Variants in SI observed in about 807,000 individuals in gnomAD.
SI encodes sucrase-isomaltase, intestinal.
SI carries 235 observed loss-of-function variants against 253.3 expected under a neutral mutation model. The observed-to-expected ratio is 0.93, with a 90% CI of 0.83 to 1.03. The LOEUF is 1.03. Among genes scored for constraint, SI ranks in the 50% least tolerant of loss-of-function variants. SI has a pLI of 0.00. For missense variants in SI, 2,442 were observed against 2,211.1 expected, an observed-to-expected ratio of 1.10 and a Z score of -2.09; for synonymous variants, 819 against 712.0, an observed-to-expected ratio of 1.15 and a Z score of -2.39.
chr3:164,993,798 G>T (rs571702801), intron 41 of SI, among the ~76,000 whole-genome samples: 1 of 151,646 alleles, frequency 6.6e-6, no homozygotes, highest in African/African-American at 2.4e-5. Context: ...TAAGGATAAT[G>T]TTGAAACTGT....
chr3:165,033,245 A>G lies in SI; in HGVS notation c.2565+150T>C, dbSNP rs1008327133. ...TTATTTATAATTTAACAATTTAAAT[A>G]TAACAATTTAATTGAACAATTTATT... On this transcript the variant is annotated intron_variant, in intron 23 of 47. Transcript: ENST00000264382. The G allele has an allele frequency of 1.5e-5, 8 of 536,334 alleles. No homozygotes were observed. In the African/African-American group the frequency reaches 1.6e-4, roughly 11 times the overall value. The allele number at this position is 536,334 out of a possible 1,614,324, so 33.2% of individuals were successfully genotyped here.
chr3:165,078,926 T>G (rs1211258543), upstream of SI, among the ~76,000 whole-genome samples: 2 of 151,522 alleles, frequency 1.3e-5, no homozygotes, highest in African/African-American at 4.8e-5. Context: ...AAAGTAATGA[T>G]TAAATAAAAA....
chr3:164,983,185 A>G, intron 45 of SI, 134 bp from the exon 46 acceptor site: 1 of 852,190 alleles, frequency 1.2e-6, no homozygotes, highest in East Asian at 3.3e-5. Flanking sequence ...TTTTTTCTCT[A>G]AGCCTATTTA....
chr3:164,995,680 C>T (rs976747507), intron 40 of SI, among the ~76,000 whole-genome samples: 4 of 151,768 alleles, frequency 2.6e-5, no homozygotes, highest in Non-Finnish European at 5.9e-5. Context: ...GTTCCCCACA[C>T]CCATCTCAGC....
rs1487932415 is a variant in SI at position 165,039,068 on chromosome 3, G to T, written c.2301+10C>A. 1.3e-6 allele frequency: 2 copies of T among 1,548,554 alleles called. No individual in the cohort carries two copies. The highest frequency in any genetic ancestry group is 1.8e-6 in the Non-Finnish European group (2 of 1,122,566). ...ACTTGTGAGTCCATTAGTATGTTAA[G>T]GTTACTTACAGATTCATAATCATAC... On this transcript the variant is annotated intron_variant, in intron 20 of 47. Coordinates refer to ENST00000264382, the MANE Select transcript of SI (RefSeq NM_001041.4).
At chr3:165,068,172 A>C (rs1045441937) in intron 5 of SI, among the ~76,000 whole-genome samples, 2 of 97,680 alleles carry the variant, frequency 2.0e-5, no homozygotes, top group African/African-American at 3.2e-5. Flanking sequence ...TTTTAGATTA[A>C]TCTTCTGCAT....
chr3:165,047,064 G>A (rs771131881), intron 15 of SI, 52 bp from the exon 16 acceptor site: 1 of 1,389,964 alleles, frequency 7.2e-7, no homozygotes, highest in South Asian at 1.3e-5. Flanking sequence ...AAATAAAGTT[G>A]GTATTTAAAT....
chr3:165,081,640 T>C (rs1715327267), upstream of SI, among the ~76,000 whole-genome samples: 1 of 151,912 alleles, frequency 6.6e-6, no homozygotes, highest in African/African-American at 2.4e-5. Context: ...TTTCAAAATA[T>C]TAAATAATAA....
At chr3:165,069,328 G>T in intron 3 of SI, 133 bp from the exon 4 acceptor site, 2 of 673,060 alleles carry the variant, frequency 3.0e-6, no homozygotes, top group South Asian at 1.8e-5. Context: ...AATAGCATTT[G>T]CTCTTTTGTT....
intron 3 of SI, among the ~76,000 whole-genome samples, chr3:165,070,836 C>T (rs1029378204): frequency 6.6e-6 from 1 of 152,040 alleles, no homozygotes; most frequent in African/African-American, 2.4e-5. Flanking sequence ...ACTCTCTCAC[C>T]GTACTGGAGG....
At chr3:165,018,152 A>T (rs1210933213) in intron 28 of SI, 86 bp from the exon 29 acceptor site, 1 of 811,250 alleles carries the variant, frequency 1.2e-6, no homozygotes, top group East Asian at 2.7e-5. Flanking sequence ...TTATTATACA[A>T]TCGAGACTTG....
At chr3:165,014,536 A>C (rs549876819) in intron 33 of SI, among the ~76,000 whole-genome samples, 26 of 152,242 alleles carry the variant, frequency 1.7e-4, no homozygotes, top group Non-Finnish European at 2.8e-4. Flanking sequence ...GGCGTGAGCC[A>C]CCACGCCTGG....
intron 1 of SI, among the ~76,000 whole-genome samples, chr3:165,077,099 A>G (rs1028688546): frequency 1.3e-5 from 2 of 151,346 alleles, no homozygotes; most frequent in Non-Finnish European, 3.0e-5. Flanking sequence ...ACAACATTCA[A>G]TCATTCAATA....
intron 40 of SI, among the ~76,000 whole-genome samples, chr3:164,996,268 C>T (rs893278049): frequency 6.6e-6 from 1 of 151,642 alleles, no homozygotes; most frequent in African/African-American, 2.4e-5. Context: ...GCTAATTTAT[C>T]ATTTTTCTGC....
chr3:165,006,788 A>G, intron 37 of SI, 28 bp downstream of exon 37: 2 of 1,596,488 alleles, frequency 1.3e-6, no homozygotes, highest in Non-Finnish European at 1.7e-6. Context: ...TAAAAGAGTC[A>G]GAGAGGATAA....
At chr3:165,012,761 G>T (rs1274125434) in intron 34 of SI, among the ~76,000 whole-genome samples, 4 of 152,026 alleles carry the variant, frequency 2.6e-5, no homozygotes, top group Non-Finnish European at 5.9e-5. Flanking sequence ...TGATTGCTTG[G>T]ATTAAATAAA....
chr3:165,044,249 C>A (rs1176843345), intron 16 of SI, among the ~76,000 whole-genome samples: 2 of 151,950 alleles, frequency 1.3e-5, no homozygotes, highest in Admixed American at 1.3e-4. Flanking sequence ...GGGTTACTCA[C>A]CCTGTATAGA....
intron 16 of SI, among the ~76,000 whole-genome samples, chr3:165,044,073 G>C (rs1712992965): frequency 6.6e-6 from 1 of 151,948 alleles, no homozygotes; most frequent in Non-Finnish European, 1.5e-5. Context: ...AGTCAAAACT[G>C]TTTCCTGAAC....
rs567399533 is a variant in SI, at chr3:165,000,101, A to C, written c.4407-1428T>G. On this transcript the variant is annotated intron_variant, in intron 37 of 47. Coordinates refer to ENST00000264382, the MANE Select transcript of SI (RefSeq NM_001041.4). ...AATCTATATGAAAATGTATTTTTGG[A>C]GTTCAGTTCATTTGCAAACAAAATT... Among the ~76,000 whole-genome samples, 60 of 151,442 alleles carry C rather than the reference A, an allele frequency of 4.0e-4. No homozygotes were observed. The East Asian group carries it at 0.011, about 27-fold the overall frequency.
Sources: gnomAD v4.1 joint callset for allele counts (sites outside exome capture counted in the v4.1 genomes callset) on GRCh38, gnomAD v4.1.1 for gene constraint, MANE v1.5 for transcripts, NCBI Gene and HGNC (gene_info 2026-07-23, HGNC 2026-07-21) for gene names.